Variants in DDR2 observed in about 807,000 individuals in gnomAD.
DDR2 encodes discoidin domain receptor tyrosine kinase 2, also known as discoidin domain-containing receptor 2.
A neutral mutation model predicts 94.9 loss-of-function variants in DDR2; 27 were observed. The observed-to-expected ratio is 0.28, with a 90% CI of 0.21 to 0.39. The LOEUF is 0.39. Ranked by LOEUF, DDR2 falls within the 10% of genes least tolerant of loss-of-function variation. The probability of loss-of-function intolerance (pLI) is 1.00; values close to 1 mark genes in which losing one functional copy is unlikely to be tolerated. For synonymous variants in DDR2, 382 were observed against 377.2 expected (o/e 1.01, Z -0.15); for missense variants, 783 against 1,076.0 (o/e 0.73, Z 3.81).
intron 2 of DDR2, among the ~76,000 whole-genome samples, chr1:162,676,640 C>T (rs570037907): frequency 1.6e-4 from 25 of 152,192 alleles, no homozygotes; most frequent in Non-Finnish European, 2.8e-4. Context: ...TAATAGTTAC[C>T]ATTTCTTGAG....
intron 2 of DDR2, among the ~76,000 whole-genome samples, chr1:162,660,795 A>G (rs1287445778): frequency 6.6e-6 from 1 of 152,174 alleles, no homozygotes; most frequent in Non-Finnish European, 1.5e-5. Flanking sequence ...TCTTTTTGCA[A>G]AGAAAGTTTT....
chr1:162,777,448 C>A (rs1254605440), intron 16 of DDR2, among the ~76,000 whole-genome samples: 1 of 146,452 alleles, frequency 6.8e-6, no homozygotes, highest in Non-Finnish European at 1.5e-5. Context: ...TTCCAATTTC[C>A]TGCTATTATG....
At chr1:162,778,417 A>G (rs1332705766) in intron 16 of DDR2, among the ~76,000 whole-genome samples, 163 bp from the exon 17 acceptor site, 1 of 152,186 alleles carries the variant, frequency 6.6e-6, no homozygotes, top group East Asian at 1.9e-4. Context: ...GATCATGAGA[A>G]TGAAAGAATG....
intron 3 of DDR2, among the ~76,000 whole-genome samples, chr1:162,736,287 G>A (rs1662292485): frequency 6.6e-6 from 1 of 152,184 alleles, no homozygotes; most frequent in African/African-American, 2.4e-5. Context: ...CTTACAGAAA[G>A]CCTAATAGAA....
chr1:162,714,145 T>G (rs1661046172), intron 2 of DDR2, among the ~76,000 whole-genome samples: 1 of 152,186 alleles, frequency 6.6e-6, no homozygotes, highest in Non-Finnish European at 1.5e-5. Context: ...TTCTAGTGGC[T>G]TTTAAAAAAT....
intron 2 of DDR2, among the ~76,000 whole-genome samples, chr1:162,717,193 G>A (rs1269372514): frequency 1.3e-5 from 2 of 151,964 alleles, no homozygotes; most frequent in Non-Finnish European, 2.9e-5. Context: ...CCACCACCAA[G>A]CCTCGCTAAT....
intron 2 of DDR2, among the ~76,000 whole-genome samples, chr1:162,704,212 T>G (rs559082614): frequency 6.6e-6 from 1 of 152,310 alleles, no homozygotes; most frequent in African/African-American, 2.4e-5. Context: ...GGGATATAGA[T>G]AAAGCATCTC....
intron 3 of DDR2, among the ~76,000 whole-genome samples, chr1:162,740,797 A>G (rs1662549853): frequency 6.6e-6 from 1 of 152,224 alleles, no homozygotes; most frequent in Non-Finnish European, 1.5e-5. Flanking sequence ...AAAATAAACC[A>G]TGGGTTTGGA....
chr1:162,670,133 CAG>C (rs1347895129), intron 2 of DDR2, among the ~76,000 whole-genome samples: 2 of 152,184 alleles, frequency 1.3e-5, no homozygotes, highest in Admixed American at 1.3e-4. Context: ...GTTTTTGAGA[CAG>C]AGTCTTGCTC....
Position 162,754,677 on chromosome 1 carries a change from C to T in DDR2, c.239C>T (p.Pro80Leu). Residue 80 changes from proline to leucine, a missense_variant, in exon 5 of 18, where the codon CCT (proline) becomes CTT (leucine). Transcript: ENST00000367921. ...GAWCPEIPVE[P>L]DDLKEFLQID... ...TGGTGCCCTGAGATTCCAGTGGAACCTGATGACCTGAAGGAGTTTCTGCAG... is the reference window on the plus strand; with the variant it reads ...TGGTGCCCTGAGATTCCAGTGGAACTTGATGACCTGAAGGAGTTTCTGCAG... 6.2e-7 allele frequency: 1 copy of T among 1,614,142 alleles called. No homozygotes were observed. Among genetic ancestry groups the T allele is most frequent in the Non-Finnish European group, 8.5e-7 (1 of 1,180,020 alleles).
chr1:162,780,727 A>G lies in DDR2; in HGVS notation c.*481A>G, dbSNP rs1178028404. On this transcript the variant is annotated 3_prime_UTR_variant, in exon 18 of 18. Coordinates refer to ENST00000367921, the MANE Select transcript of DDR2 (RefSeq NM_006182.4). ...TGGAGAATCTGAGGACTCAGAATTC[A>G]GCAACTAATCACAGGTGGTTTTCTA... The G allele has an allele frequency of 6.2e-6, 1 of 162,524 alleles. No individual in the cohort carries two copies. The highest frequency in any genetic ancestry group is 1.4e-5 in the Non-Finnish European group (1 of 74,040). The allele number at this position is 162,524 out of a possible 1,614,324, so 10.1% of individuals were successfully genotyped here.
At chr1:162,723,862 C>T (rs1003266513) in intron 3 of DDR2, among the ~76,000 whole-genome samples, 15 of 152,202 alleles carry the variant, frequency 9.9e-5, no homozygotes, top group Non-Finnish European at 2.1e-4. Context: ...GGGAGTCCCC[C>T]TTTGGTATCC....
At chr1:162,746,045 C>T (rs1386607365) in intron 3 of DDR2, among the ~76,000 whole-genome samples, 1 of 152,170 alleles carries the variant, frequency 6.6e-6, no homozygotes, top group East Asian at 1.9e-4. Context: ...GTCTACAGCT[C>T]CCAGTGTGAG....
intron 1 of DDR2, among the ~76,000 whole-genome samples, chr1:162,650,261 C>A (rs1211104424): frequency 6.9e-6 from 1 of 145,566 alleles, no homozygotes; most frequent in Non-Finnish European, 1.5e-5. Context: ...TCACAATCTC[C>A]CCTTACAAAC....
chr1:162,732,401 G>A (rs914472757), intron 3 of DDR2, among the ~76,000 whole-genome samples: 3 of 152,156 alleles, frequency 2.0e-5, no homozygotes, highest in Admixed American at 1.3e-4. Flanking sequence ...TTCAGAAACT[G>A]GAAGAACTAG....
rs1477474626 is a variant in DDR2, at chr1:162,770,442, C to T, written c.1434C>T (p.Arg478=). ...NSTYDRIFPL[R]PDYQEPSRLI... Reference sequence around the variant, plus strand: ...CTTACGATCGCATCTTTCCCCTTCGCCCTGACTACCAGGAGCCATCCAGGC... The same window carrying T: ...CTTACGATCGCATCTTTCCCCTTCGTCCTGACTACCAGGAGCCATCCAGGC... Residue 478 remains arginine (R), a synonymous_variant, in exon 12 of 18, where the codon CGC becomes CGT. Coordinates refer to ENST00000367921, the MANE Select transcript of DDR2 (RefSeq NM_006182.4). 3 of 1,614,070 alleles carry T rather than the reference C, an allele frequency of 1.9e-6. No homozygotes were observed. Among genetic ancestry groups the T allele is most frequent in the East Asian group, 2.2e-5 (1 of 44,872 alleles).
chr1:162,730,712 G>T (rs773091019), intron 3 of DDR2, among the ~76,000 whole-genome samples: 4 of 152,078 alleles, frequency 2.6e-5, no homozygotes, highest in Non-Finnish European at 5.9e-5. Flanking sequence ...AAACTCCCAC[G>T]TGCTCTCTTT....
At chr1:162,710,913 C>A (rs1660879968) in intron 2 of DDR2, among the ~76,000 whole-genome samples, 1 of 152,142 alleles carries the variant, frequency 6.6e-6, no homozygotes, top group Non-Finnish European at 1.5e-5. Context: ...GGTGGAGAGG[C>A]CTGGCCTGGG....
At chr1:162,772,920 A>C (rs1157685387) in intron 13 of DDR2, among the ~76,000 whole-genome samples, 2 of 152,148 alleles carry the variant, frequency 1.3e-5, no homozygotes, top group East Asian at 3.9e-4. Context: ...TTCAGTGTGG[A>C]TCTCATGTTC....
Sources: allele counts gnomAD v4.1 joint callset (sites outside exome capture counted in the v4.1 genomes callset), GRCh38; gene constraint gnomAD v4.1.1; transcripts MANE v1.5; gene names NCBI Gene and HGNC (gene_info 2026-07-23, HGNC 2026-07-21).